PHF20L1: variants seen among roughly 807,000 people sequenced by gnomAD.
The protein encoded by PHF20L1 is PHD finger protein 20-like protein 1.
Under a neutral mutation model 125.5 loss-of-function variants are expected in PHF20L1, and 44 were observed. That is an observed-to-expected ratio of 0.35 (90% CI 0.28 to 0.45). The LOEUF (loss-of-function observed/expected upper bound fraction) is 0.45, where lower values mean the gene tolerates loss of function less well. Ranked by LOEUF, PHF20L1 falls within the 20% of genes least tolerant of loss-of-function variation. PHF20L1 has a pLI of 1.00. For missense variants in PHF20L1, 1,012 were observed against 1,217.2 expected (o/e 0.83, Z 2.51); for synonymous variants, 380 against 403.1 (o/e 0.94, Z 0.69).
chr8:132,837,852 A>G (rs528746807), intron 17 of PHF20L1, 41 bp downstream of exon 17: 63 of 1,366,864 alleles, frequency 4.6e-5, no homozygotes, highest in Middle Eastern at 4.3e-4. Context: ...GGATGCCTCT[A>G]TGTCTCCTCC....
rs183086030 is a variant in PHF20L1 at position 132,848,598 on chromosome 8, C to T, written c.*2675C>T. ...TGTTACTGATAAACTTGTACTTCCT[C>T]ATACTTGTTTGTGGTTCTACTGACT... is the stretch of plus-strand genomic sequence containing the variant. On this transcript the variant is annotated 3_prime_UTR_variant, in exon 21 of 21. Coordinates refer to ENST00000395386, the MANE Select transcript of PHF20L1 (RefSeq NM_016018.5). 1.8e-4 allele frequency: 27 copies of T among 152,660 alleles called. No individual in the cohort carries two copies. Among genetic ancestry groups the T allele is most frequent in the African/African-American group, 6.3e-4 (26 of 41,554 alleles). The allele number at this position is 152,660 out of a possible 1,614,324, so 9.5% of individuals were successfully genotyped here.
intron 12 of PHF20L1, 100 bp downstream of exon 12, chr8:132,817,645 C>A: frequency 1.4e-6 from 1 of 733,422 alleles, no homozygotes; most frequent in South Asian, 1.8e-5. Context: ...TATTTTGATT[C>A]CTATATAATT....
intron 18 of PHF20L1, chr8:132,841,762 G>A (rs926818972): frequency 2.0e-5 from 3 of 152,074 alleles, no homozygotes; most frequent in Admixed American, 6.6e-5. Flanking sequence ...CAAAATAAAT[G>A]TGCATGTTAT....
At chr8:132,811,454 A>T in intron 9 of PHF20L1, 7 of 1,010,460 alleles carry the variant, frequency 6.9e-6, no homozygotes, top group Non-Finnish European at 8.3e-6. Flanking sequence ...TCCATTTGTG[A>T]GTTAAAACAG....
chr8:132,807,115 T>C (rs917035485), intron 8 of PHF20L1: 4 of 152,082 alleles, frequency 2.6e-5, no homozygotes, highest in Non-Finnish European at 5.9e-5. Context: ...TACACACATA[T>C]ACATACAGAT....
chr8:132,807,838 T>C lies in PHF20L1; in HGVS notation c.847+3098T>C, dbSNP rs182131280. ...CTTCTTTTACCTAAGTTTAAATAATTTCTTGAAGCAGTGTAATGCATTCTT... is the reference window on the plus strand; with the variant it reads ...CTTCTTTTACCTAAGTTTAAATAATCTCTTGAAGCAGTGTAATGCATTCTT... On this transcript the variant is annotated intron_variant, in intron 8 of 20. Coordinates refer to ENST00000395386, the MANE Select transcript of PHF20L1 (RefSeq NM_016018.5). 12 of 449,714 alleles carry C rather than the reference T, an allele frequency of 2.7e-5. No homozygotes were observed. In the East Asian group the frequency reaches 7.7e-4, roughly 29 times the overall value. 27.9% of individuals were successfully genotyped at this position (449,714 alleles called of 1,614,324 possible).
chr8:132,778,929 C>A (rs988067), intron 2 of PHF20L1, among the ~76,000 whole-genome samples: 2 of 152,010 alleles, frequency 1.3e-5, no homozygotes, highest in African/African-American at 4.8e-5. Context: ...TAAAACCATA[C>A]TGGGCATTTT....
intron 5 of PHF20L1, 68 bp downstream of exon 5, chr8:132,798,928 A>G (rs771111219): frequency 1.8e-6 from 2 of 1,127,572 alleles, no homozygotes; most frequent in South Asian, 1.5e-5. Flanking sequence ...ATCAAAATAT[A>G]TTTATATGTA....
In PHF20L1 at chr8:132,803,828, G is replaced by A; in HGVS notation, c.517G>A (p.Ala173Thr). The A allele has an allele frequency of 6.3e-7, 1 of 1,595,572 alleles. No individual in the cohort carries two copies. The highest frequency in any genetic ancestry group is 8.6e-7 in the Non-Finnish European group (1 of 1,165,668). The change falls in exon 7 of 21, where the codon GCT becomes ACT. Residue 173 changes from alanine (A) to threonine (T), a missense_variant. This residue lies in a region of PHF20L1 where 134 missense variants were observed against 145.9 expected (regional missense o/e 0.92). Transcript: ENST00000395386. ...TGTTTTTCCTTTGGAGGATTGGATA[G>A]CTTTAGTCAAAGCAGCTGCTGCAGC... ...NQSMGSEDWI[A>T]LVKAAAAAAA...
chr8:132,811,347 C>G, intron 9 of PHF20L1: 2 of 1,235,312 alleles, frequency 1.6e-6, no homozygotes, highest in South Asian at 4.5e-5. Context: ...GCCTTTGTCT[C>G]CAAAATTTGA....
At position 132,817,324 on chromosome 8, in the gene PHF20L1, C is replaced by A. The variant is rs1563824593; in HGVS notation, c.1373-15C>A. ...ATCTGTGTTAATATTACATTACACT[C>A]TTTATTTTGTGTAGTGCCTGATGTT... On this transcript the variant is annotated splice_polypyrimidine_tract_variant and intron_variant, in intron 11 of 20. Coordinates refer to ENST00000395386, the MANE Select transcript of PHF20L1 (RefSeq NM_016018.5). 5 of 1,599,342 alleles carry A rather than the reference C, an allele frequency of 3.1e-6. No homozygotes were observed. The highest frequency in any genetic ancestry group is 3.4e-6 in the Non-Finnish European group (4 of 1,167,742).
At chr8:132,804,268 A>C (rs1833423509) in intron 7 of PHF20L1, among the ~76,000 whole-genome samples, 1 of 151,814 alleles carries the variant, frequency 6.6e-6, no homozygotes, top group South Asian at 2.1e-4. Context: ...AAATAGGTTG[A>C]GATTTTGATT....
At chr8:132,843,474 AATT>A (rs1324686047) in intron 19 of PHF20L1, 22 of 981,450 alleles carry the variant, frequency 2.2e-5, no homozygotes, top group Non-Finnish European at 2.5e-5. Context: ...CTTAACAAGT[AATT>A]ACCATAAATA....
intron 2 of PHF20L1, among the ~76,000 whole-genome samples, chr8:132,784,527 T>C (rs535187013): frequency 1.3e-5 from 2 of 152,096 alleles, no homozygotes; most frequent in Non-Finnish European, 2.9e-5. Context: ...ATCATACTTT[T>C]AGATGGGTAA....
intron 12 of PHF20L1, among the ~76,000 whole-genome samples, chr8:132,820,217 G>A (rs964864888): frequency 6.6e-6 from 1 of 151,812 alleles, no homozygotes; most frequent in Non-Finnish European, 1.5e-5. Context: ...CTTTGTCACA[G>A]AGCCAGCCAA....
intron 12 of PHF20L1, among the ~76,000 whole-genome samples, chr8:132,819,959 G>GAGTTT (rs1835398442): frequency 6.6e-6 from 1 of 151,806 alleles, no homozygotes; most frequent in Admixed American, 6.6e-5. Flanking sequence ...TCACACTGTT[G>GAGTTT]AGTTTAGCAT....
rs929400186 is a variant in PHF20L1 at position 132,775,406 on chromosome 8, A to C, written c.-277A>C. 2.6e-5 allele frequency: 10 copies of C among 382,550 alleles called. No homozygotes were observed. Among genetic ancestry groups the C allele is most frequent in the Non-Finnish European group, 4.1e-5 (9 of 218,458 alleles). 23.7% of individuals were successfully genotyped at this position (382,550 alleles called of 1,614,324 possible). A position where few individuals can be genotyped will look rare whatever the true frequency, so the allele number is the denominator to read the frequency against. On this transcript the variant is annotated 5_prime_UTR_variant, in exon 1 of 21. Coordinates refer to ENST00000395386, the MANE Select transcript of PHF20L1 (RefSeq NM_016018.5). ...TCGCGTCAGGGCTGGCCGGCGGCGG[A>C]GGCGGCGGCGGCGGCGGCGATGGCA...
At chr8:132,793,764 T>C (rs892258407) in intron 2 of PHF20L1, among the ~76,000 whole-genome samples, 1 of 152,208 alleles carries the variant, frequency 6.6e-6, no homozygotes, top group Non-Finnish European at 1.5e-5. Flanking sequence ...AGCCTTACCA[T>C]CATTGTTGCT....
At position 132,829,306 on chromosome 8, in the gene PHF20L1, C is replaced by T. The variant is rs534457126; in HGVS notation, c.1745-2929C>T. On this transcript the variant is annotated intron_variant, in intron 14 of 20. Transcript: ENST00000395386. Reference sequence around the variant, plus strand: ...TTAGTATAGGTATTCAAATCCTGCCCGTAACACTTACAGCTAAGCGACCTT... The same window carrying T: ...TTAGTATAGGTATTCAAATCCTGCCTGTAACACTTACAGCTAAGCGACCTT... Among the ~76,000 whole-genome samples the T allele has an allele frequency of 9.2e-5, 14 of 152,090 alleles. No individual in the cohort carries two copies. The South Asian group carries it at 2.7e-3, about 29-fold the overall frequency.
Sources: gnomAD v4.1 joint callset for allele counts (sites outside exome capture counted in the v4.1 genomes callset) on GRCh38, gnomAD v4.1.1 for gene constraint, gnomAD v4.1.1 regional missense constraint, MANE v1.5 for transcripts, NCBI Gene and HGNC (gene_info 2026-07-23, HGNC 2026-07-21) for gene names.